C9orf153: variants seen among roughly 807,000 people sequenced by gnomAD.
C9orf153 encodes uncharacterized protein C9orf153.
C9orf153 carries 10 observed loss-of-function variants against 9.0 expected under a neutral mutation model. The ratio of observed to expected loss-of-function variants is 1.11; its 90% CI spans 0.69 to 1.89. The LOEUF is 1.89. Ranked by LOEUF, C9orf153 falls within the 40% of genes most tolerant of loss-of-function variation. The pLI, the probability that C9orf153 is intolerant of heterozygous loss-of-function variation, is 0.00. For missense variants in C9orf153, 108 were observed against 111.0 expected, an observed-to-expected ratio of 0.97 and a Z score of 0.12; for synonymous variants, 35 against 37.3, an observed-to-expected ratio of 0.94 and a Z score of 0.23.
intron 1 of C9orf153, among the ~76,000 whole-genome samples, chr9:86,246,296 T>C (rs1276478166): frequency 1.3e-5 from 2 of 152,184 alleles, no homozygotes; most frequent in African/African-American, 4.8e-5. Context: ...GGACACTCAA[T>C]CGCATGCCAT....
At chr9:86,254,266 C>T (rs778986272) in intron 1 of C9orf153, among the ~76,000 whole-genome samples, 1 of 152,066 alleles carries the variant, frequency 6.6e-6, no homozygotes, top group Non-Finnish European at 1.5e-5. Flanking sequence ...TTATTATTTG[C>T]CTCCGGTTTG....
intron 1 of C9orf153, among the ~76,000 whole-genome samples, chr9:86,250,736 C>T (rs1303107033): frequency 6.6e-6 from 1 of 151,776 alleles, no homozygotes; most frequent in East Asian, 1.9e-4. Flanking sequence ...TACGGAGAAA[C>T]TCTACTGGTT....
At chr9:86,256,479 A>C (rs1206678639) in intron 1 of C9orf153, among the ~76,000 whole-genome samples, 1 of 152,254 alleles carries the variant, frequency 6.6e-6, no homozygotes, top group Non-Finnish European at 1.5e-5. Context: ...ACATTTGATT[A>C]ATGTCATCTT....
rs377466161 is a variant in C9orf153, at chr9:86,220,614, C to T, written c.*1074G>A. ...CTTTGTATGTAATCCATCTCTCTTT[C>T]GTAGATTATATTTTCCTTTACTGCT... On this transcript the variant is annotated 3_prime_UTR_variant, in exon 4 of 4. Transcript: ENST00000339137. 12 of 152,170 alleles carry T rather than the reference C, an allele frequency of 7.9e-5. No homozygotes were observed. The highest frequency in any genetic ancestry group is 2.1e-4 in the South Asian group (1 of 4,818). The allele number at this position is 152,170 out of a possible 1,614,324, so 9.4% of individuals were successfully genotyped here.
At chr9:86,227,279 C>A in intron 3 of C9orf153, 2 of 1,396,134 alleles carry the variant, frequency 1.4e-6, no homozygotes, top group South Asian at 1.8e-5. Flanking sequence ...CTCGGGTAGC[C>A]GAGATTACAG....
chr9:86,229,885 T>G (rs1249239669), intron 1 of C9orf153, among the ~76,000 whole-genome samples: 1 of 152,068 alleles, frequency 6.6e-6, no homozygotes, highest in African/African-American at 2.4e-5. Context: ...CTCAGGAAAC[T>G]TACAATTATT....
chr9:86,231,451 A>T (rs1824466567), intron 1 of C9orf153, among the ~76,000 whole-genome samples: 3 of 152,202 alleles, frequency 2.0e-5, no homozygotes, highest in Admixed American at 6.5e-5. Context: ...CACTGGGATG[A>T]GTGTCTGAGA....
At chr9:86,243,268 G>GA (rs1824788900) in intron 1 of C9orf153, among the ~76,000 whole-genome samples, 1 of 152,096 alleles carries the variant, frequency 6.6e-6, no homozygotes, top group Non-Finnish European at 1.5e-5. Context: ...TTTCAAGATA[G>GA]AAAAGTGGGC....
intron 1 of C9orf153, among the ~76,000 whole-genome samples, chr9:86,238,432 T>C (rs900618905): frequency 6.6e-6 from 1 of 152,196 alleles, no homozygotes; most frequent in Non-Finnish European, 1.5e-5. Context: ...TCATACAACG[T>C]CTGTTCTCAT....
rs140720945 is a variant in C9orf153, at chr9:86,227,366, A to G, written c.242+489T>C. On this transcript the variant is annotated intron_variant, in intron 3 of 3. Transcript: ENST00000339137. ...TTATTTTTGGAGATGGGGTCTTTCT[A>G]TGTTTTCCAGGCTTGTTCATTTTAT... The G allele has an allele frequency of 6.5e-6, 10 of 1,534,796 alleles. No homozygotes were observed. The East Asian group carries it at 1.7e-4, about 26-fold the overall frequency.
At chr9:86,222,858 T>G (rs1190980608) in intron 3 of C9orf153, among the ~76,000 whole-genome samples, 6 of 152,158 alleles carry the variant, frequency 3.9e-5, no homozygotes, top group Admixed American at 3.9e-4. Context: ...GTGGTGACAT[T>G]TGAGCATGTC....
intron 1 of C9orf153, among the ~76,000 whole-genome samples, 183 bp downstream of exon 1, chr9:86,259,367 A>G (rs12683667): frequency 0.021 from 3,247 of 152,196 alleles, 98 homozygotes; most frequent in African/African-American, 0.069. Flanking sequence ...GGAAGATGAA[A>G]CAGGCTCCTC....
chr9:86,224,047 G>A (rs1285134519), intron 3 of C9orf153, among the ~76,000 whole-genome samples: 2 of 151,940 alleles, frequency 1.3e-5, no homozygotes, highest in East Asian at 3.9e-4. Context: ...TTGAGCTCAG[G>A]AGTTTGAGGC....
chr9:86,259,211 C>A (rs779380044), intron 1 of C9orf153, among the ~76,000 whole-genome samples: 3 of 151,896 alleles, frequency 2.0e-5, no homozygotes, highest in Admixed American at 6.6e-5. Flanking sequence ...AAGTCAGGAC[C>A]AAGCATCCAT....
At chr9:86,253,598 T>A (rs1160763990) in intron 1 of C9orf153, among the ~76,000 whole-genome samples, 2 of 152,218 alleles carry the variant, frequency 1.3e-5, no homozygotes, top group African/African-American at 2.4e-5. Flanking sequence ...GCTACACTTT[T>A]TTGTTTATTA....
chr9:86,239,371 T>C (rs2131190579), intron 1 of C9orf153, among the ~76,000 whole-genome samples: 1 of 152,302 alleles, frequency 6.6e-6, no homozygotes. Flanking sequence ...CTTTTATGTA[T>C]TTTACAATGA....
intron 1 of C9orf153, among the ~76,000 whole-genome samples, chr9:86,250,613 C>T (rs7852286): frequency 0.56 from 85,046 of 152,106 alleles, 26,411 homozygotes; most frequent in East Asian, 0.89. Flanking sequence ...AATATACATC[C>T]GTTTGTATTT....
In C9orf153 at chr9:86,226,118, T is replaced by A. The variant is rs183966763; in HGVS notation, c.242+1737A>T. On this transcript the variant is annotated intron_variant, in intron 3 of 3. Coordinates refer to ENST00000339137, the MANE Select transcript of C9orf153 (RefSeq NM_001276366.4). ...CTTTACTTGTGTACTTTGCGAATTATCTAGGCCAGTCCTATCATTGCTTTA... is the reference window on the plus strand; with the variant it reads ...CTTTACTTGTGTACTTTGCGAATTAACTAGGCCAGTCCTATCATTGCTTTA... 6.2e-4 allele frequency among the ~76,000 whole-genome samples: 95 copies of A among 152,326 alleles called. 1 individual carries two copies. The highest frequency in any genetic ancestry group is 5.1e-3 in the Admixed American group (78 of 15,292).
At chr9:86,251,943 G>A (rs1385825103) in intron 1 of C9orf153, among the ~76,000 whole-genome samples, 12 of 56,834 alleles carry the variant, frequency 2.1e-4, no homozygotes, top group Non-Finnish European at 3.3e-4. Context: ...ACACACACAC[G>A]AGAGAGAGAG....
Sources: gnomAD v4.1 joint callset for allele counts (sites outside exome capture counted in the v4.1 genomes callset) on GRCh38, gnomAD v4.1.1 for gene constraint, MANE v1.5 for transcripts, NCBI Gene and HGNC (gene_info 2026-07-23, HGNC 2026-07-21) for gene names.